SLC25A13: variants seen among roughly 807,000 people sequenced by gnomAD.
SLC25A13 encodes the protein electrogenic aspartate/glutamate antiporter SLC25A13, mitochondrial.
Under a neutral mutation model 85.5 loss-of-function variants are expected in SLC25A13, and 70 were observed. That is an observed-to-expected ratio of 0.82 (90% CI 0.68 to 1.00). SLC25A13 has a LOEUF of 1.00. Ranked by LOEUF, SLC25A13 falls within the 50% of genes least tolerant of loss-of-function variation. The pLI is 0.00. For synonymous variants in SLC25A13, 259 were observed against 288.7 expected, an observed-to-expected ratio of 0.90 and a Z score of 1.04; for missense variants, 765 against 819.8, an observed-to-expected ratio of 0.93 and a Z score of 0.82.
chr7:96,249,896 A>C (rs1797343873), intron 3 of SLC25A13, among the ~76,000 whole-genome samples: 1 of 150,536 alleles, frequency 6.6e-6, no homozygotes. Flanking sequence ...AAAAAAAAAA[A>C]CTCTAGGCCA....
chr7:96,224,482 A>G (rs1042343869), intron 4 of SLC25A13, among the ~76,000 whole-genome samples: 1 of 152,000 alleles, frequency 6.6e-6, no homozygotes, highest in African/African-American at 2.4e-5. Context: ...GTTCCCCTCT[A>G]TCCTCAACCT....
chr7:96,183,678 C>T (rs1794505753), intron 11 of SLC25A13, among the ~76,000 whole-genome samples: 1 of 152,178 alleles, frequency 6.6e-6, no homozygotes, highest in Non-Finnish European at 1.5e-5. Flanking sequence ...TCTGCTACTA[C>T]TTCCATTGCT....
intron 1 of SLC25A13, among the ~76,000 whole-genome samples, chr7:96,307,140 T>A (rs1323443585): frequency 9.4e-5 from 14 of 149,218 alleles, no homozygotes; most frequent in East Asian, 2.0e-4. Flanking sequence ...CTTTGTAATT[T>A]AAAAAAAAAA....
rs1307233127 is a variant in SLC25A13, at chr7:96,156,049, T to G, written c.1312-9353A>C. ...TGTTTGAACGGAGTAGCTGCCTGAA[T>G]TTTTGGTTAATCTGATCATATGGAC... On this transcript the variant is annotated intron_variant, in intron 13 of 17. Transcript: ENST00000265631. 2.6e-5 allele frequency among the ~76,000 whole-genome samples: 4 copies of G among 152,224 alleles called. No homozygotes were observed. In the South Asian group the frequency reaches 8.3e-4, roughly 32 times the overall value.
chr7:96,236,186 A>T (rs1796733996), intron 3 of SLC25A13, among the ~76,000 whole-genome samples: 1 of 152,194 alleles, frequency 6.6e-6, no homozygotes, highest in African/African-American at 2.4e-5. Flanking sequence ...TCAATATAGC[A>T]TCTCTGTATC....
intron 2 of SLC25A13, among the ~76,000 whole-genome samples, chr7:96,295,742 A>G (rs1799318279): frequency 6.6e-6 from 1 of 152,124 alleles, no homozygotes; most frequent in Non-Finnish European, 1.5e-5. Flanking sequence ...CACCATATTC[A>G]GTACACATCA....
At chr7:96,209,019 A>G in intron 4 of SLC25A13, 42 bp from the exon 5 acceptor site, 1 of 1,603,492 alleles carries the variant, frequency 6.2e-7, no homozygotes, top group Non-Finnish European at 8.5e-7. Flanking sequence ...AAAGTAAATG[A>G]AGTTCTTTCT....
At chr7:96,243,970 G>A (rs906290003) in intron 3 of SLC25A13, among the ~76,000 whole-genome samples, 4 of 152,148 alleles carry the variant, frequency 2.6e-5, no homozygotes, top group Admixed American at 6.5e-5. Context: ...GAAAGGTTAC[G>A]AAGAACACTC....
chr7:96,239,037 TTATATATATA>T (rs58990918), intron 3 of SLC25A13, among the ~76,000 whole-genome samples: 33 of 130,888 alleles, frequency 2.5e-4, no homozygotes, highest in African/African-American at 6.2e-4. Flanking sequence ...ACTATATATT[TTATATATATA>T]TATATATATA....
intron 4 of SLC25A13, among the ~76,000 whole-genome samples, chr7:96,211,743 G>A (rs971226583): frequency 6.6e-6 from 1 of 151,994 alleles, no homozygotes; most frequent in Non-Finnish European, 1.5e-5. Flanking sequence ...AACCCTTTGG[G>A]GCACTACAGT....
At chr7:96,173,198 A>T (rs1343837114) in intron 11 of SLC25A13, among the ~76,000 whole-genome samples, 1 of 152,248 alleles carries the variant, frequency 6.6e-6, no homozygotes, top group Non-Finnish European at 1.5e-5. Flanking sequence ...GAAGTCCTTC[A>T]TTGTGGAATT....
Position 96,170,068 on chromosome 7 carries a change from C to G in SLC25A13, c.1288G>C (p.Ala430Pro). 1 of 1,614,170 alleles carries G rather than the reference C, an allele frequency of 6.2e-7. No individual in the cohort carries two copies. The highest frequency in any genetic ancestry group is 8.5e-7 in the Non-Finnish European group (1 of 1,180,020). The change falls in exon 13 of 18, where the codon GCA becomes CCA. Residue 430 changes from alanine (A) to proline (P), a missense_variant. Physicochemically the swap from Ala to Pro is conservative, Grantham distance 27. Coordinates refer to ENST00000265631, the MANE Select transcript of SLC25A13 (RefSeq NM_014251.3). ...ACGCAGCCTCCAGCAAGAATTTCTG[C>G]TGCAAGTGGGACCGAACCATCTTTG... is the stretch of plus-strand genomic sequence containing the variant. Reference protein sequence around the residue: ...MHKDGSVPLAAEILAGGCAGG... With the variant: ...MHKDGSVPLAPEILAGGCAGG...
chr7:96,148,403 G>A (rs761593474), intron 13 of SLC25A13, among the ~76,000 whole-genome samples: 2 of 152,156 alleles, frequency 1.3e-5, no homozygotes, highest in Admixed American at 6.5e-5. Flanking sequence ...TTTACAGCCC[G>A]TGAGTGTTTT....
In SLC25A13 at chr7:96,171,461, A is replaced by G. The variant is rs201352939; in HGVS notation, c.1230+11T>C. 377 of 1,612,038 alleles carry G rather than the reference A, an allele frequency of 2.3e-4. 2 individuals are homozygous for G. Among genetic ancestry groups the G allele is most frequent in the Non-Finnish European group, 4.7e-5 (55 of 1,178,138 alleles). Reference sequence around the variant, plus strand: ...ATCCCTTAATAAGAAGCACCAACTCAAAAGACTTACTGTAAGTTTTATGGC... The same window carrying G: ...ATCCCTTAATAAGAAGCACCAACTCGAAAGACTTACTGTAAGTTTTATGGC... On this transcript the variant is annotated intron_variant, in intron 12 of 17. Coordinates refer to ENST00000265631, the MANE Select transcript of SLC25A13 (RefSeq NM_014251.3).
chr7:96,203,399 G>T (rs1267521514), intron 5 of SLC25A13, among the ~76,000 whole-genome samples: 1 of 152,062 alleles, frequency 6.6e-6, no homozygotes, highest in African/African-American at 2.4e-5. Flanking sequence ...TAAAATTTGG[G>T]GGGTAAAAAC....
chr7:96,134,299 G>A (rs916111309), intron 14 of SLC25A13, among the ~76,000 whole-genome samples: 1 of 152,116 alleles, frequency 6.6e-6, no homozygotes, highest in Non-Finnish European at 1.5e-5. Context: ...GCCTCCCAAA[G>A]TGCTGGGATT....
intron 14 of SLC25A13, among the ~76,000 whole-genome samples, chr7:96,133,479 C>T (rs962273660): frequency 2.0e-5 from 3 of 152,194 alleles, no homozygotes; most frequent in South Asian, 4.1e-4. Flanking sequence ...GAGGTAGTTC[C>T]AGAGACAAGT....
chr7:96,217,683 C>T (rs2116747799), intron 4 of SLC25A13, among the ~76,000 whole-genome samples: 1 of 152,104 alleles, frequency 6.6e-6, no homozygotes. Context: ...ATAGACAAAT[C>T]CATATACACA....
At position 96,223,743 on chromosome 7, in the gene SLC25A13, G is replaced by T. The variant is rs1387282444; in HGVS notation, c.328+11059C>A. On this transcript the variant is annotated intron_variant, in intron 4 of 17. Transcript: ENST00000265631. ...GCAGAGCTTGCAGTGAGCCGAGATT[G>T]TGCCACTGCACTCCAGCCGGGGCAA... Among the ~76,000 whole-genome samples the T allele has an allele frequency of 2.2e-5, 3 of 139,458 alleles. No individual in the cohort carries two copies. In the Admixed American group the frequency reaches 2.4e-4, roughly 11 times the overall value. The allele number at this position is 139,458 out of a possible 152,430, so 91.5% of individuals were successfully genotyped here. A position where few individuals can be genotyped will look rare whatever the true frequency, so the allele number is the denominator to read the frequency against.
Sources: allele counts gnomAD v4.1 joint callset (sites outside exome capture counted in the v4.1 genomes callset), GRCh38; gene constraint gnomAD v4.1.1; transcripts MANE v1.5; gene names NCBI Gene and HGNC (gene_info 2026-07-23, HGNC 2026-07-21).